Variants in PCBD1 observed in about 807,000 individuals in gnomAD.
PCBD1 encodes pterin-4 alpha-carbinolamine dehydratase 1.
In PCBD1, 16 loss-of-function variants were observed where a neutral mutation model predicts 12.6. The observed-to-expected ratio is 1.27, with a 90% CI of 0.86 to 1.93. The LOEUF is 1.93. PCBD1 is among the 30% of genes most tolerant of loss of function. The probability of loss-of-function intolerance (pLI) is 0.00; values close to 1 mark genes in which losing one functional copy is unlikely to be tolerated. For synonymous variants in PCBD1, 53 were observed against 50.2 expected (o/e 1.05, Z -0.23); for missense variants, 86 against 130.1 (o/e 0.66, Z 1.65).
Position 70,883,846 on chromosome 10 carries a change from T to G in PCBD1, c.*104A>C. 1 of 1,545,304 alleles carries G rather than the reference T, an allele frequency of 6.5e-7. No individual in the cohort carries two copies. The highest frequency in any genetic ancestry group is 1.4e-5 in the African/African-American group (1 of 73,210). On this transcript the variant is annotated 3_prime_UTR_variant, in exon 4 of 4. Transcript: ENST00000299299. ...AGCCCTCAACGGCGGCGGCTGGGTC[T>G]TGGGAGGGGAGTGGTGGGAGGGTAA...
intron 1 of PCBD1, 41 bp from the exon 2 acceptor site, chr10:70,885,970 T>C (rs755798346): frequency 6.2e-7 from 1 of 1,608,950 alleles, no homozygotes; most frequent in Non-Finnish European, 8.5e-7. Context: ...GGCATTTCTC[T>C]TTATAGGTCA....
At chr10:70,887,349 T>A (rs949594170) in intron 1 of PCBD1, among the ~76,000 whole-genome samples, 1 of 152,304 alleles carries the variant, frequency 6.6e-6, no homozygotes, top group South Asian at 2.1e-4. Context: ...ACGTGAGCTC[T>A]CTCTGGACTG....
At chr10:70,886,697 G>A (rs534726210) in intron 1 of PCBD1, among the ~76,000 whole-genome samples, 1 of 152,236 alleles carries the variant, frequency 6.6e-6, no homozygotes, top group African/African-American at 2.4e-5. Flanking sequence ...CTGGTTTTCC[G>A]TCTGCTTTTC....
At chr10:70,885,743 T>G in intron 2 of PCBD1, 55 bp downstream of exon 2, 1 of 1,608,328 alleles carries the variant, frequency 6.2e-7, no homozygotes, top group South Asian at 1.1e-5. Flanking sequence ...ACATGCTTTG[T>G]AAGGTGACCC....
chr10:70,886,759 C>G (rs765904647), intron 1 of PCBD1, among the ~76,000 whole-genome samples: 4 of 152,236 alleles, frequency 2.6e-5, no homozygotes, highest in South Asian at 2.1e-4. Context: ...CCAAAGGCAG[C>G]TGGCAAACCT....
chr10:70,886,772 T>A (rs1013245832), intron 1 of PCBD1, among the ~76,000 whole-genome samples: 2 of 152,222 alleles, frequency 1.3e-5, no homozygotes, highest in Non-Finnish European at 2.9e-5. Context: ...GCAAACCTAG[T>A]GCCCCATCCT....
At chr10:70,888,436 C>A in intron 1 of PCBD1, 95 bp downstream of exon 1, 1 of 1,390,776 alleles carries the variant, frequency 7.2e-7, no homozygotes, top group Admixed American at 2.7e-5. Flanking sequence ...GCAGGGGACT[C>A]GAAAAGACTT....
Position 70,888,553 on chromosome 10 carries a change from G to C in PCBD1, c.-20C>G, listed in dbSNP as rs1846625986. The C allele has an allele frequency of 8.1e-7, 1 of 1,235,324 alleles. No individual in the cohort carries two copies. The highest frequency in any genetic ancestry group is 4.2e-5 in the Admixed American group (1 of 23,816). 76.5% of individuals were successfully genotyped at this position (1,235,324 alleles called of 1,614,324 possible). On this transcript the variant is annotated 5_prime_UTR_variant, in exon 1 of 4. Coordinates refer to ENST00000299299, the MANE Select transcript of PCBD1 (RefSeq NM_000281.4). ...CACCATGGCGCGGGCGGCAGCAGGT[G>C]GCCAGCGGAGAGGGCAGGCGGCGGC...
rs1315902876 is a variant in PCBD1, at chr10:70,885,873, C to G, written c.60G>C (p.Leu20=). The G allele has an allele frequency of 8.1e-6, 13 of 1,613,964 alleles. No individual in the cohort carries two copies. The highest frequency in any genetic ancestry group is 1.0e-5 in the Non-Finnish European group (12 of 1,180,000). ...CCAGCTCATTCCACCCCACAGCCCT[C>G]AGGTTTGGCAGCAGCTGGTCCCTCT... The part of the protein sequence containing the change: ...AEERDQLLPN[L]RAVGWNELEG... The change falls in exon 2 of 4, where the codon CTG becomes CTC. Residue 20 remains leucine, a synonymous_variant. Coordinates refer to ENST00000299299, the MANE Select transcript of PCBD1 (RefSeq NM_000281.4).
intron 1 of PCBD1, 23 bp from the exon 2 acceptor site, chr10:70,885,952 G>A (rs200872268): frequency 1.6e-5 from 26 of 1,612,444 alleles, no homozygotes; most frequent in Non-Finnish European, 2.2e-5. Flanking sequence ...AAAAAACAGA[G>A]GCCCAAGGGC....
At position 70,883,648 on chromosome 10, in the gene PCBD1, G is replaced by A. The variant is rs1346200356; in HGVS notation, c.*302C>T. 7.9e-7 allele frequency: 1 copy of A among 1,271,816 alleles called. No homozygotes were observed. 78.8% of individuals were successfully genotyped at this position (1,271,816 alleles called of 1,614,324 possible). On this transcript the variant is annotated 3_prime_UTR_variant, in exon 4 of 4. Coordinates refer to ENST00000299299, the MANE Select transcript of PCBD1 (RefSeq NM_000281.4). ...AGCTTCCTGGGAAATGAATTAGGGA[G>A]CAAGAGACGGCCTGGCAAGAAAATC...
At chr10:70,886,942 A>T (rs994418080) in intron 1 of PCBD1, among the ~76,000 whole-genome samples, 1 of 152,204 alleles carries the variant, frequency 6.6e-6, no homozygotes, top group Non-Finnish European at 1.5e-5. Context: ...CTTCTAGAGT[A>T]GCACCACCCC....
At chr10:70,887,847 T>C (rs1323100586) in intron 1 of PCBD1, 1 of 152,228 alleles carries the variant, frequency 6.6e-6, no homozygotes, top group African/African-American at 2.4e-5. Context: ...GCCCTCCCAG[T>C]CTTGCCTGCT....
At chr10:70,883,210 TC>T (rs5786013), downstream of PCBD1, among the ~76,000 whole-genome samples, 114,507 of 152,066 alleles carry the variant, frequency 0.75, 43,296 homozygotes, top group South Asian at 0.86. Context: ...TCACCATTAA[TC>T]ACTTGCGTTC....
chr10:70,882,578 T>C (rs1846515977), downstream of PCBD1: 1 of 152,240 alleles, frequency 6.6e-6, no homozygotes, highest in African/African-American at 2.4e-5. Context: ...TTCCCTTTTA[T>C]TTGGAAGAGG....
chr10:70,886,208 C>T (rs747226676), intron 1 of PCBD1, among the ~76,000 whole-genome samples: 5 of 152,122 alleles, frequency 3.3e-5, no homozygotes, highest in African/African-American at 9.7e-5. Flanking sequence ...ATTCATATGA[C>T]GGGGACAGAG....
At position 70,883,976 on chromosome 10, in the gene PCBD1, C is replaced by T. The variant is rs397518416; in HGVS notation, c.289G>A (p.Glu97Lys). ...TATGTCATGGACACTGCTACTTGTT[C>T]GATGAAGCTGGCCAGGTTTATGTCC... is the stretch of plus-strand genomic sequence containing the variant. Reference protein sequence around the residue: ...ERDINLASFIEQVAVSMT With the variant: ...ERDINLASFIKQVAVSMT Residue 97 changes from glutamate (E) to lysine (K), a missense_variant, in exon 4 of 4, where the codon GAA becomes AAA. Physicochemically the swap from Glu to Lys is moderately conservative, Grantham distance 56. Coordinates refer to ENST00000299299, the MANE Select transcript of PCBD1 (RefSeq NM_000281.4). The T allele has an allele frequency of 1.2e-5, 19 of 1,613,928 alleles. No individual in the cohort carries two copies. The highest frequency in any genetic ancestry group is 1.7e-5 in the Admixed American group (1 of 59,988).
chr10:70,888,044 CAGCATACCGGCGCAG>C (rs1300245659), intron 1 of PCBD1: 1 of 152,594 alleles, frequency 6.6e-6, no homozygotes, highest in Non-Finnish European at 1.5e-5. Context: ...GCTCTGGGGC[CAGCATACCGGCGCAG>C]AGCGTGAGTC....
Position 70,884,478 on chromosome 10 carries a change from ATTTTTTTTT to A in PCBD1, c.217-439_217-431del, listed in dbSNP as rs71012255. Reference sequence around the variant, plus strand: ...TTTGATAGGTTGGCTATGTGTCTGTATTTTTTTTTTTTTTTTTTTTTGAGACGGAGTCTT... The same window carrying A: ...TTTGATAGGTTGGCTATGTGTCTGTATTTTTTTTTTTTGAGACGGAGTCTT... On this transcript the variant is annotated intron_variant, in intron 3 of 3. Transcript: ENST00000299299. Among the ~76,000 whole-genome samples the A allele has an allele frequency of 2.8e-5, 3 of 108,440 alleles. 1 individual carries two copies. Among genetic ancestry groups the A allele is most frequent in the African/African-American group, 1.1e-4 (3 of 26,818 alleles). The allele number at this position is 108,440 out of a possible 152,430, so 71.1% of individuals were successfully genotyped here.
Sources: allele counts gnomAD v4.1 joint callset (sites outside exome capture counted in the v4.1 genomes callset), GRCh38; gene constraint gnomAD v4.1.1; transcripts MANE v1.5; gene names NCBI Gene and HGNC (gene_info 2026-07-23, HGNC 2026-07-21).